Variants in RABGAP1L observed in about 807,000 individuals in gnomAD.
RABGAP1L encodes the protein rab GTPase-activating protein 1-like.
Under a neutral mutation model 137.7 loss-of-function variants are expected in RABGAP1L, and 63 were observed. That is an observed-to-expected ratio of 0.46 (90% CI 0.37 to 0.56). The LOEUF (loss-of-function observed/expected upper bound fraction) is 0.56, where lower values mean the gene tolerates loss of function less well. Among genes scored for constraint, RABGAP1L ranks in the 20% least tolerant of loss-of-function variants. RABGAP1L has a pLI of 0.00. For missense variants in RABGAP1L, 1,095 were observed against 1,244.0 expected (o/e 0.88, Z 1.80); for synonymous variants, 431 against 433.7 (o/e 0.99, Z 0.08).
rs1205278022 is a variant in RABGAP1L, at chr1:174,976,149, G to A, written c.2616G>A (p.Glu872=). The A allele has an allele frequency of 1.9e-6, 3 of 1,550,778 alleles. No individual in the cohort carries two copies. Among genetic ancestry groups the A allele is most frequent in the Non-Finnish European group, 2.6e-6 (3 of 1,147,042 alleles). The change falls in exon 22 of 26, where the codon GAG becomes GAA. Residue 872 remains glutamate, a synonymous_variant. Coordinates refer to ENST00000681986, the MANE Select transcript of RABGAP1L (RefSeq NM_001366446.1). ...LTKQRLVETE[E]EKRKQEEETA... The stretch of plus-strand genomic sequence containing the variant: ...AACAGAGGCTGGTGGAGACTGAAGA[G>A]GAGAAGAGGAAGCAAGAGGAAGAGA...
chr1:174,383,597 C>G (rs530501969), intron 12 of RABGAP1L, among the ~76,000 whole-genome samples: 23 of 152,302 alleles, frequency 1.5e-4, no homozygotes, highest in African/African-American at 5.3e-4. Context: ...AAAGGGAACT[C>G]CCTGACCCCT....
At chr1:174,980,993 T>C (rs1394769726) in intron 23 of RABGAP1L, among the ~76,000 whole-genome samples, 1 of 151,820 alleles carries the variant, frequency 6.6e-6, no homozygotes, top group African/African-American at 2.4e-5. Context: ...GTGGTAGACA[T>C]TAACCAATAC....
At chr1:174,360,228 G>A (rs369870626) in intron 11 of RABGAP1L, among the ~76,000 whole-genome samples, 1 of 127,712 alleles carries the variant, frequency 7.8e-6, no homozygotes, top group African/African-American at 3.7e-5. Context: ...ATAGCAATAG[G>A]GATTGTTCAA....
chr1:174,364,243 CTTTTTTTTTTTTTT>C lies in RABGAP1L; in HGVS notation c.1466-6720_1466-6707del, dbSNP rs1054313083. ...TTGTTCTGTTCAGCTTTTGGATTTC[CTTTTTTTTTTTTTT>C]TTTTTTTTTTTTTTTGAGACGGAGT... is the stretch of plus-strand genomic sequence containing the variant. On this transcript the variant is annotated intron_variant, in intron 11 of 25. Transcript: ENST00000681986. Among the ~76,000 whole-genome samples the C allele has an allele frequency of 7.5e-4, 61 of 81,176 alleles. 1 individual carries two copies. Among genetic ancestry groups the C allele is most frequent in the African/African-American group, 1.5e-3 (21 of 13,582 alleles). 53.3% of individuals were successfully genotyped at this position (81,176 alleles called of 152,430 possible). A position where few individuals can be genotyped will look rare whatever the true frequency, so the allele number is the denominator to read the frequency against.
At chr1:174,175,037 T>C (rs1665719932) in intron 1 of RABGAP1L, among the ~76,000 whole-genome samples, 1 of 152,218 alleles carries the variant, frequency 6.6e-6, no homozygotes, top group African/African-American at 2.4e-5. Context: ...ATTTTTAAAA[T>C]ATGAAATAGG....
intron 10 of RABGAP1L, among the ~76,000 whole-genome samples, chr1:174,291,399 A>T (rs1676593797): frequency 1.3e-5 from 2 of 151,878 alleles, no homozygotes; most frequent in African/African-American, 4.9e-5. Flanking sequence ...GTCTATTTTT[A>T]TGAGACATTG....
rs1175526360 is a variant in RABGAP1L, at chr1:174,548,052, T to C, written c.1711-89323T>C. On this transcript the variant is annotated intron_variant, in intron 13 of 25. Transcript: ENST00000681986. ...AACTTATTAAGAGGCTTAATGCCTGTTAAATGCGTCAGTGCTCTTGGCAGC... is the reference window on the plus strand; with the variant it reads ...AACTTATTAAGAGGCTTAATGCCTGCTAAATGCGTCAGTGCTCTTGGCAGC... 1.1e-5 allele frequency: 17 copies of C among 1,550,370 alleles called. No individual in the cohort carries two copies. In the Admixed American group the frequency reaches 3.3e-4, roughly 30 times the overall value.
intron 13 of RABGAP1L, among the ~76,000 whole-genome samples, chr1:174,540,684 TTGGTTAC>T (rs199612264): frequency 0.089 from 13,515 of 152,142 alleles, 761 homozygotes; most frequent in East Asian, 0.21. Flanking sequence ...CCATGCTGTT[TTGGTTAC>T]TGTAGTCTTG....
chr1:174,967,533 G>A (rs562320148), intron 20 of RABGAP1L, among the ~76,000 whole-genome samples: 1 of 152,058 alleles, frequency 6.6e-6, no homozygotes, highest in East Asian at 1.9e-4. Flanking sequence ...GTGGAGATGA[G>A]GTTTCACCAT....
intron 14 of RABGAP1L, among the ~76,000 whole-genome samples, chr1:174,670,225 A>G (rs1445182253): frequency 2.0e-5 from 3 of 152,126 alleles, no homozygotes; most frequent in Non-Finnish European, 2.9e-5. Flanking sequence ...AAATGTTTTT[A>G]TAGCTACTTT....
chr1:174,250,535 G>A lies in RABGAP1L; in HGVS notation c.778G>A (p.Asp260Asn). 1 of 1,613,674 alleles carries A rather than the reference G, an allele frequency of 6.2e-7. No homozygotes were observed. Among genetic ancestry groups the A allele is most frequent in the Non-Finnish European group, 8.5e-7 (1 of 1,179,670 alleles). Residue 260 changes from aspartate to asparagine, a missense_variant, in exon 6 of 26, where the codon GAT (aspartate) becomes AAT (asparagine). By Grantham distance (23) the Asp-to-Asn change is conservative. This residue lies in a region of RABGAP1L where 356 missense variants were observed against 326.3 expected (regional missense o/e 1.09). Coordinates refer to ENST00000681986, the MANE Select transcript of RABGAP1L (RefSeq NM_001366446.1). Reference protein sequence around the residue: ...AFKRSSRQVSDVKDSVIPTPD... With the variant: ...AFKRSSRQVSNVKDSVIPTPD... ...CAAACGTTCTTCCAGACAAGTGTCT[G>A]ATGTTAAAGACTCAGTTATTCCTAC... is the stretch of plus-strand genomic sequence containing the variant.
At chr1:174,232,823 C>T (rs1418555500) in intron 4 of RABGAP1L, among the ~76,000 whole-genome samples, 1 of 151,840 alleles carries the variant, frequency 6.6e-6, no homozygotes, top group Non-Finnish European at 1.5e-5. Flanking sequence ...CCCTCAGTCA[C>T]ACTTGTGGTT....
chr1:174,496,744 G>T (rs992446245), intron 13 of RABGAP1L, among the ~76,000 whole-genome samples: 2 of 152,146 alleles, frequency 1.3e-5, no homozygotes, highest in African/African-American at 2.4e-5. Context: ...CTTGTACCTA[G>T]TTGCCATCCC....
At chr1:174,820,790 G>A (rs1488070393) in intron 19 of RABGAP1L, among the ~76,000 whole-genome samples, 1 of 152,150 alleles carries the variant, frequency 6.6e-6, no homozygotes, top group Non-Finnish European at 1.5e-5. Flanking sequence ...GCTGAGGCGG[G>A]CAGATCGCCT....
chr1:174,440,700 C>T (rs1178439018), intron 13 of RABGAP1L, among the ~76,000 whole-genome samples: 4 of 152,078 alleles, frequency 2.6e-5, no homozygotes, highest in African/African-American at 7.2e-5. Flanking sequence ...GGATTACAGG[C>T]GTGCACCACC....
At chr1:174,161,219 GTATTAT>G (rs72031504) in intron 1 of RABGAP1L, among the ~76,000 whole-genome samples, 9,351 of 145,218 alleles carry the variant, frequency 0.064, 940 homozygotes, top group African/African-American at 0.21. Context: ...GCTCTGATGT[GTATTAT>G]TATTATTATT....
At chr1:174,851,796 C>T (rs1166427544) in intron 19 of RABGAP1L, among the ~76,000 whole-genome samples, 2 of 152,038 alleles carry the variant, frequency 1.3e-5, no homozygotes, top group East Asian at 3.9e-4. Context: ...GTTGGGATTA[C>T]AATGTGTGCC....
At chr1:174,977,587 A>G (rs956808260) in intron 22 of RABGAP1L, among the ~76,000 whole-genome samples, 5 of 152,078 alleles carry the variant, frequency 3.3e-5, no homozygotes, top group African/African-American at 4.8e-5. Context: ...CCTCCCCTCC[A>G]TGTGCATCTG....
At chr1:174,689,869 G>C (rs1678751984) in intron 15 of RABGAP1L, among the ~76,000 whole-genome samples, 1 of 152,054 alleles carries the variant, frequency 6.6e-6, no homozygotes, top group African/African-American at 2.4e-5. Context: ...TCAGATGATG[G>C]GACAGTAGGA....
Sources: gnomAD v4.1 joint callset for allele counts (sites outside exome capture counted in the v4.1 genomes callset) on GRCh38, gnomAD v4.1.1 for gene constraint, gnomAD v4.1.1 regional missense constraint, MANE v1.5 for transcripts, NCBI Gene and HGNC (gene_info 2026-07-23, HGNC 2026-07-21) for gene names.